SLC24A2: variants seen among roughly 807,000 people sequenced by gnomAD.
SLC24A2 encodes sodium/potassium/calcium exchanger 2.
Under a neutral mutation model 62.0 loss-of-function variants are expected in SLC24A2, and 36 were observed. The ratio of observed to expected loss-of-function variants is 0.58; its 90% CI spans 0.44 to 0.77. The LOEUF is 0.77. SLC24A2 is among the 30% of genes least tolerant of loss of function. The pLI is 0.00. For synonymous variants in SLC24A2, 358 were observed against 294.0 expected (o/e 1.22, Z -2.23); for missense variants, 846 against 817.9 (o/e 1.03, Z -0.42).
intron 2 of SLC24A2, among the ~76,000 whole-genome samples, chr9:19,669,656 C>G (rs1194064413): frequency 6.6e-6 from 1 of 152,124 alleles, no homozygotes; most frequent in East Asian, 1.9e-4. Context: ...CATTTCTTGG[C>G]CTGTGGCCTC....
the SLC24A2 span, among the ~76,000 whole-genome samples, chr9:20,225,675 G>A: frequency 6.9e-6 from 1 of 144,772 alleles, no homozygotes; most frequent in Non-Finnish European, 1.5e-5. Flanking sequence ...CATACATGAG[G>A]AAGTCATTTG....
At chr9:19,870,545 A>C in the SLC24A2 span, among the ~76,000 whole-genome samples, 1 of 152,174 alleles carries the variant, frequency 6.6e-6, no homozygotes, top group East Asian at 1.9e-4. Context: ...TTACTGAGTC[A>C]TATGGTAATC....
At chr9:19,828,369 G>C in the SLC24A2 span, among the ~76,000 whole-genome samples, 1 of 152,060 alleles carries the variant, frequency 6.6e-6, no homozygotes, top group Non-Finnish European at 1.5e-5. Context: ...TACACATTGT[G>C]TGCCTGTATC....
At chr9:19,874,067 TTTC>T in the SLC24A2 span, among the ~76,000 whole-genome samples, 1 of 134,644 alleles carries the variant, frequency 7.4e-6, no homozygotes, top group African/African-American at 3.1e-5. Context: ...TTCTTTTTCT[TTTC>T]TTTTCTTTTT....
At chr9:20,052,465 A>G in the SLC24A2 span, among the ~76,000 whole-genome samples, 6,222 of 152,268 alleles carry the variant, frequency 0.041, 431 homozygotes, top group African/African-American at 0.14. Flanking sequence ...GTAGTTGTAA[A>G]ACTGTATTCT....
chr9:20,098,437 A>G, the SLC24A2 span, among the ~76,000 whole-genome samples: 2 of 152,202 alleles, frequency 1.3e-5, no homozygotes, highest in East Asian at 3.8e-4. Context: ...AAATACTTCT[A>G]TGGCATTATA....
chr9:19,540,414 C>A (rs1470621082), intron 8 of SLC24A2, among the ~76,000 whole-genome samples: 1 of 148,422 alleles, frequency 6.7e-6, no homozygotes, highest in East Asian at 2.0e-4. Context: ...GTGACAAAAT[C>A]TCTCAGCATT....
chr9:19,910,421 T>C, the SLC24A2 span, among the ~76,000 whole-genome samples: 11 of 152,170 alleles, frequency 7.2e-5, no homozygotes, highest in African/African-American at 2.4e-4. Flanking sequence ...TAGTTTTAGC[T>C]CCATTAAATC....
At chr9:20,099,760 T>C in the SLC24A2 span, among the ~76,000 whole-genome samples, 1 of 152,324 alleles carries the variant, frequency 6.6e-6, no homozygotes, top group African/African-American at 2.4e-5. Flanking sequence ...ACCTCAATTC[T>C]ATAACTTGTT....
chr9:19,827,059 A>C, the SLC24A2 span, among the ~76,000 whole-genome samples: 2 of 152,070 alleles, frequency 1.3e-5, no homozygotes, highest in Admixed American at 6.5e-5. Flanking sequence ...CTTGCTTCCC[A>C]CACACTCAGC....
chr9:19,771,064 T>A (rs567288258), intron 2 of SLC24A2, among the ~76,000 whole-genome samples: 1 of 152,168 alleles, frequency 6.6e-6, no homozygotes, highest in African/African-American at 2.4e-5. Flanking sequence ...AAAGCAAGTA[T>A]TGGGGCTGCC....
the SLC24A2 span, among the ~76,000 whole-genome samples, chr9:19,808,667 T>G: frequency 2.0e-5 from 3 of 152,228 alleles, no homozygotes; most frequent in Non-Finnish European, 4.4e-5. This position sits in a 1 kb window ranked among gnomAD's most constrained non-coding sequence, Gnocchi z 4.1. Context: ...TTGAGCACTA[T>G]GGGGTTACAG....
intron 7 of SLC24A2, among the ~76,000 whole-genome samples, chr9:19,550,937 G>A (rs61063022): frequency 0.05 from 7,539 of 151,874 alleles, 596 homozygotes; most frequent in African/African-American, 0.17. Flanking sequence ...GGGTATTTGG[G>A]GCCTCCATCA....
At chr9:19,681,365 G>A (rs1191183877) in intron 2 of SLC24A2, among the ~76,000 whole-genome samples, 7 of 152,024 alleles carry the variant, frequency 4.6e-5, no homozygotes, top group African/African-American at 7.2e-5. Context: ...TCTCTGCACC[G>A]CAGAACTCCC....
chr9:20,137,873 A>T, the SLC24A2 span, among the ~76,000 whole-genome samples: 1 of 152,222 alleles, frequency 6.6e-6, no homozygotes, highest in Non-Finnish European at 1.5e-5. Context: ...ATCTCACTCA[A>T]TATTGATGAT....
In SLC24A2 at chr9:19,702,579, A is replaced by G. The variant is rs184992418; in HGVS notation, c.931-80280T>C. 2.1e-3 allele frequency among the ~76,000 whole-genome samples: 327 copies of G among 152,312 alleles called. 5 individuals carry two copies. Among genetic ancestry groups the G allele is most frequent in the Admixed American group, 0.016 (251 of 15,296 alleles). On this transcript the variant is annotated intron_variant, in intron 2 of 10. Transcript: ENST00000341998. Reference sequence around the variant, plus strand: ...CTAGGGCTCCCAGAACTGGTCTTTCAGTAGTTTACATAATAATAGCTACAA... The same window carrying G: ...CTAGGGCTCCCAGAACTGGTCTTTCGGTAGTTTACATAATAATAGCTACAA...
chr9:20,015,664 G>A, the SLC24A2 span, among the ~76,000 whole-genome samples: 1 of 152,244 alleles, frequency 6.6e-6, no homozygotes, highest in African/African-American at 2.4e-5. Context: ...TAACTCCAGT[G>A]ATTGCCTCGT....
At chr9:19,712,280 C>A (rs1370316049) in intron 2 of SLC24A2, among the ~76,000 whole-genome samples, 2 of 152,128 alleles carry the variant, frequency 1.3e-5, no homozygotes, top group Non-Finnish European at 2.9e-5. Context: ...ATTCAAAGAG[C>A]CATGAGTCTA....
intron 2 of SLC24A2, among the ~76,000 whole-genome samples, chr9:19,654,649 T>C (rs1157130760): frequency 6.6e-6 from 1 of 152,208 alleles, no homozygotes; most frequent in Non-Finnish European, 1.5e-5. Flanking sequence ...CAGCTGGTAA[T>C]TCTTTGTGAC....
Sources: gnomAD v4.1 joint callset for allele counts (sites outside exome capture counted in the v4.1 genomes callset) on GRCh38, gnomAD v4.1.1 for gene constraint, Gnocchi (gnomAD v3.1) non-coding constraint, MANE v1.5 for transcripts, NCBI Gene and HGNC (gene_info 2026-07-23, HGNC 2026-07-21) for gene names.